KCNK10: variants seen among roughly 807,000 people sequenced by gnomAD.
KCNK10 encodes potassium two pore domain channel subfamily K member 10.
In KCNK10, 25 loss-of-function variants were observed where a neutral mutation model predicts 47.7. The observed-to-expected ratio is 0.52, with a 90% confidence interval of 0.38 to 0.73. The LOEUF (loss-of-function observed/expected upper bound fraction) is 0.73, where lower values mean the gene tolerates loss of function less well. Among genes scored for constraint, KCNK10 ranks in the 30% least tolerant of loss-of-function variants. The probability of loss-of-function intolerance (pLI) is 0.00; values close to 1 mark genes in which losing one functional copy is unlikely to be tolerated. For missense variants in KCNK10, 563 were observed against 714.5 expected, an observed-to-expected ratio of 0.79 and a Z score of 2.42; for synonymous variants, 303 against 285.6, an observed-to-expected ratio of 1.06 and a Z score of -0.61.
intron 4 of KCNK10, among the ~76,000 whole-genome samples, chr14:88,220,123 T>A (rs1885749469): frequency 6.6e-6 from 1 of 152,072 alleles, no homozygotes; most frequent in South Asian, 2.1e-4. Context: ...CTTTAAGAAT[T>A]ACTATAGAGC....
rs909864376 is a variant in KCNK10 at position 88,183,921 on chromosome 14, C to G, written c.*1614G>C. 1 of 152,312 alleles carries G rather than the reference C, an allele frequency of 6.6e-6. No homozygotes were observed. Among genetic ancestry groups the G allele is most frequent in the African/African-American group, 2.4e-5 (1 of 41,422 alleles). The allele number at this position is 152,312 out of a possible 1,614,324, so 9.4% of individuals were successfully genotyped here. A position where few individuals can be genotyped will look rare whatever the true frequency, so the allele number is the denominator to read the frequency against. The stretch of plus-strand genomic sequence containing the variant: ...GTAAATCCACACTGCGGGTTAGTTA[C>G]GTAAAATCCCGTGAACTCTGTAAAA... On this transcript the variant is annotated 3_prime_UTR_variant, in exon 7 of 7. Transcript: ENST00000319231.
chr14:88,191,252 A>AAAAAAC (rs1010441172), intron 5 of KCNK10, among the ~76,000 whole-genome samples: 6 of 147,282 alleles, frequency 4.1e-5, no homozygotes, highest in South Asian at 2.3e-4. Flanking sequence ...CCCTGTTCAA[A>AAAAAAC]AAAAACAAAA....
At chr14:88,243,093 T>C (rs1595100797) in intron 2 of KCNK10, among the ~76,000 whole-genome samples, 5 of 152,238 alleles carry the variant, frequency 3.3e-5, no homozygotes, top group Admixed American at 3.3e-4. Flanking sequence ...AAGAATCCTT[T>C]TCAAGTTTCA....
rs1290874676 is a variant in KCNK10, at chr14:88,181,743, TA to T, written c.*3791del. 2 of 152,192 alleles carry T rather than the reference TA, an allele frequency of 1.3e-5. No homozygotes were observed. Among genetic ancestry groups the T allele is most frequent in the African/African-American group, 4.8e-5 (2 of 41,394 alleles). 9.4% of individuals were successfully genotyped at this position (152,192 alleles called of 1,614,324 possible). A position where few individuals can be genotyped will look rare whatever the true frequency, so the allele number is the denominator to read the frequency against. On this transcript the variant is annotated 3_prime_UTR_variant, in exon 7 of 7. Transcript: ENST00000319231. ...AAGAGACTAAGCTCTCACCTTAACC[TA>T]AAATGGGCAAGACAATTAATTAGTC...
Position 88,181,087 on chromosome 14 carries a change from G to T in KCNK10, c.*4448C>A, listed in dbSNP as rs954115853. On this transcript the variant is annotated 3_prime_UTR_variant, in exon 7 of 7. Coordinates refer to ENST00000319231, the MANE Select transcript of KCNK10 (RefSeq NM_138317.3). The stretch of plus-strand genomic sequence containing the variant: ...AACACTGGCTGGTTTTTCCTTTCTC[G>T]TTTTACAGGGGCTCTGAATGTTTGT... 2 of 354,842 alleles carry T rather than the reference G, an allele frequency of 5.6e-6. No individual in the cohort carries two copies. Among genetic ancestry groups the T allele is most frequent in the Non-Finnish European group, 5.0e-6 (1 of 199,082 alleles). The allele number at this position is 354,842 out of a possible 1,614,324, so 22.0% of individuals were successfully genotyped here.
intron 2 of KCNK10, among the ~76,000 whole-genome samples, chr14:88,245,624 A>G (rs192573565): frequency 2.6e-5 from 4 of 152,164 alleles, no homozygotes; most frequent in East Asian, 1.9e-4. Flanking sequence ...CTTTTCTCCT[A>G]TGATCTGTGC....
In KCNK10 at chr14:88,184,308, A is replaced by C. The variant is rs1884467832; in HGVS notation, c.*1227T>G. ...CAAGGAGCAGTGGTGACTTTTTCAG[A>C]ATAAAGGAATGCCCAAACATAAAAG... On this transcript the variant is annotated 3_prime_UTR_variant, in exon 7 of 7. Coordinates refer to ENST00000319231, the MANE Select transcript of KCNK10 (RefSeq NM_138317.3). 6.6e-6 allele frequency: 1 copy of C among 152,338 alleles called. No individual in the cohort carries two copies. Among genetic ancestry groups the C allele is most frequent in the Non-Finnish European group, 1.5e-5 (1 of 68,040 alleles). 9.4% of individuals were successfully genotyped at this position (152,338 alleles called of 1,614,324 possible).
chr14:88,239,482 A>G (rs1259306014), intron 3 of KCNK10, among the ~76,000 whole-genome samples: 2 of 152,196 alleles, frequency 1.3e-5, no homozygotes, highest in African/African-American at 2.4e-5. Flanking sequence ...GAGAAAAGAG[A>G]TATCATCACC....
intron 3 of KCNK10, among the ~76,000 whole-genome samples, chr14:88,228,140 G>GTTC (rs34684854): frequency 0.29 from 43,780 of 151,842 alleles, 6,950 homozygotes; most frequent in East Asian, 0.47. Context: ...GCCCCATCTG[G>GTTC]TTTTTTTCTC....
At chr14:88,239,632 G>C (rs1886395386) in intron 3 of KCNK10, among the ~76,000 whole-genome samples, 1 of 152,162 alleles carries the variant, frequency 6.6e-6, no homozygotes, top group South Asian at 2.1e-4. Context: ...GCTGAGGCGG[G>C]CAGATCACCT....
At chr14:88,289,757 G>A (rs1566715764) in intron 1 of KCNK10, among the ~76,000 whole-genome samples, 1 of 152,210 alleles carries the variant, frequency 6.6e-6, no homozygotes, top group Non-Finnish European at 1.5e-5. Flanking sequence ...CTAAGCCTCA[G>A]TGTTCTTATC....
chr14:88,248,644 G>A lies in KCNK10; in HGVS notation c.403-7824C>T, dbSNP rs143004457. On this transcript the variant is annotated intron_variant, in intron 2 of 6. Coordinates refer to ENST00000319231, the MANE Select transcript of KCNK10 (RefSeq NM_138317.3). ...CTCGGGAGGTTCAGGTGGGAGGATC[G>A]TTGGAGCCCAGGAAGCAGAGGCTGC... Among the ~76,000 whole-genome samples the A allele has an allele frequency of 2.2e-4, 34 of 152,044 alleles. No individual in the cohort carries two copies. In the South Asian group the frequency reaches 4.2e-3, roughly 19 times the overall value.
rs149122280 is a variant in KCNK10 at position 88,269,334 on chromosome 14, A to T, written c.53-5783T>A. The stretch of plus-strand genomic sequence containing the variant: ...CAACAAACAACTGAGTTTGCCTGGC[A>T]CTGCATTTGGCACTGGAGCTACATA... On this transcript the variant is annotated intron_variant, in intron 1 of 6. Coordinates refer to ENST00000319231, the MANE Select transcript of KCNK10 (RefSeq NM_138317.3). 2.6e-5 allele frequency among the ~76,000 whole-genome samples: 4 copies of T among 152,324 alleles called. No individual in the cohort carries two copies. In the East Asian group the frequency reaches 7.7e-4, roughly 29 times the overall value.
rs574859082 is a variant in KCNK10, at chr14:88,235,112, A to G, written c.520+5591T>C. 2.4e-4 allele frequency: 110 copies of G among 456,632 alleles called. 3 individuals are homozygous for G. Among genetic ancestry groups the G allele is most frequent in the South Asian group, 1.7e-3 (108 of 64,558 alleles). 28.3% of individuals were successfully genotyped at this position (456,632 alleles called of 1,614,324 possible). On this transcript the variant is annotated intron_variant, in intron 3 of 6. Transcript: ENST00000319231. ...CTGGTTCAGAAAACAGGGAGGTAGG[A>G]CAGAAATAATACAGAAGGACCCTAT...
rs554420041 is a variant in KCNK10 at position 88,322,702 on chromosome 14, G to C, written c.52+45C>G. 1 of 1,612,714 alleles carries C rather than the reference G, an allele frequency of 6.2e-7. No individual in the cohort carries two copies. Among genetic ancestry groups the C allele is most frequent in the South Asian group, 1.1e-5 (1 of 91,020 alleles). Reference sequence around the variant, plus strand: ...CACTCAAGGAAGCGCGCACACGCCGGAGACAGAGGCAGGGCGAGGGCAGCC... The same window carrying C: ...CACTCAAGGAAGCGCGCACACGCCGCAGACAGAGGCAGGGCGAGGGCAGCC... On this transcript the variant is annotated intron_variant, in intron 1 of 6. Transcript: ENST00000319231. The surrounding 1 kb of genome is among the most constrained non-coding windows in gnomAD (Gnocchi z 4.8).
At chr14:88,321,165 T>C (rs1345166523) in intron 1 of KCNK10, among the ~76,000 whole-genome samples, 3 of 152,188 alleles carry the variant, frequency 2.0e-5, no homozygotes, top group Non-Finnish European at 4.4e-5. Flanking sequence ...CAGTTCATCA[T>C]ATACACATAC....
At chr14:88,310,910 G>A (rs1401866046) in intron 1 of KCNK10, among the ~76,000 whole-genome samples, 2 of 152,078 alleles carry the variant, frequency 1.3e-5, no homozygotes, top group Admixed American at 6.6e-5. Context: ...ATGAGCGAGC[G>A]CACCACAGTT....
chr14:88,190,748 C>T (rs1303599363), intron 5 of KCNK10, among the ~76,000 whole-genome samples: 6 of 152,128 alleles, frequency 3.9e-5, no homozygotes, highest in Non-Finnish European at 5.9e-5. Flanking sequence ...TCTTTGTCTG[C>T]CCAATTGGAA....
intron 1 of KCNK10, among the ~76,000 whole-genome samples, chr14:88,310,664 C>A (rs1888309623): frequency 1.3e-5 from 2 of 152,184 alleles, no homozygotes; most frequent in South Asian, 4.1e-4. Flanking sequence ...AAGGGATCGG[C>A]ACATCAGAAG....
Sources: allele counts gnomAD v4.1 joint callset (sites outside exome capture counted in the v4.1 genomes callset), GRCh38; gene constraint gnomAD v4.1.1; non-coding constraint Gnocchi (gnomAD v3.1); transcripts MANE v1.5; gene names NCBI Gene and HGNC (gene_info 2026-07-23, HGNC 2026-07-21).